SPECC1: variants seen among roughly 807,000 people sequenced by gnomAD.
SPECC1 encodes sperm antigen with calponin homology and coiled-coil domains 1.
SPECC1 carries 62 observed loss-of-function variants against 104.1 expected under a neutral mutation model. The ratio of observed to expected loss-of-function variants is 0.60; its 90% confidence interval spans 0.49 to 0.74. The LOEUF (loss-of-function observed/expected upper bound fraction) is 0.74. Ranked by LOEUF, SPECC1 falls within the 30% of genes least tolerant of loss-of-function variation. The pLI, the probability that SPECC1 is intolerant of heterozygous loss-of-function variation, is 0.00. For synonymous variants in SPECC1, 513 were observed against 501.6 expected (o/e 1.02, Z -0.30); for missense variants, 1,306 against 1,310.5 (o/e 1.00, Z 0.05).
At chr17:20,221,831 TTG>T (rs2037893186) in intron 4 of SPECC1, among the ~76,000 whole-genome samples, 1 of 152,162 alleles carries the variant, frequency 6.6e-6, no homozygotes, top group Non-Finnish European at 1.5e-5. Flanking sequence ...CTTTGGTATG[TTG>T]TGTTTCCATT....
chr17:20,285,560 A>T (rs1347100762), intron 12 of SPECC1, among the ~76,000 whole-genome samples: 1 of 152,168 alleles, frequency 6.6e-6, no homozygotes, highest in Non-Finnish European at 1.5e-5. Flanking sequence ...ATATCCTGGG[A>T]AAAGTTAATT....
intron 3 of SPECC1, among the ~76,000 whole-genome samples, chr17:20,159,564 G>A (rs1383195103): frequency 6.6e-6 from 1 of 152,232 alleles, no homozygotes; most frequent in African/African-American, 2.4e-5. Flanking sequence ...TAAGGCAGAA[G>A]GCAGCTTCTC....
intron 4 of SPECC1, among the ~76,000 whole-genome samples, chr17:20,215,170 T>G (rs1015738466): frequency 5.3e-5 from 8 of 152,168 alleles, no homozygotes; most frequent in Non-Finnish European, 1.2e-4. Flanking sequence ...TCCAGTACCT[T>G]TAGAAGCTGT....
chr17:20,237,690 C>A (rs1188649481), intron 7 of SPECC1: 3 of 196,192 alleles, frequency 1.5e-5, no homozygotes, highest in Non-Finnish European at 3.2e-5. Context: ...TCTTGGAATT[C>A]ACATTACTCA....
At chr17:20,138,999 A>G (rs1436552283) in intron 3 of SPECC1, among the ~76,000 whole-genome samples, 1 of 152,242 alleles carries the variant, frequency 6.6e-6, no homozygotes, top group Non-Finnish European at 1.5e-5. Flanking sequence ...GGTTAGCTGC[A>G]GCAATTCAGA....
Position 20,316,210 on chromosome 17 carries a change from A to T in SPECC1, c.*2145A>T. Reference sequence around the variant, plus strand: ...CTGTACTTCTTCTTTGCCCACCATTAAAGTGGGGGAAAGTAATATCCCAAG... The same window carrying T: ...CTGTACTTCTTCTTTGCCCACCATTTAAGTGGGGGAAAGTAATATCCCAAG... On this transcript the variant is annotated 3_prime_UTR_variant, in exon 15 of 15. Transcript: ENST00000395527. The T allele has an allele frequency of 4.4e-6, 1 of 229,262 alleles. No homozygotes were observed. Among genetic ancestry groups the T allele is most frequent in the East Asian group, 6.1e-5 (1 of 16,334 alleles). The allele number at this position is 229,262 out of a possible 1,614,324, so 14.2% of individuals were successfully genotyped here.
At chr17:20,242,079 A>G (rs981621050) in intron 7 of SPECC1, among the ~76,000 whole-genome samples, 17 of 152,192 alleles carry the variant, frequency 1.1e-4, no homozygotes, top group Admixed American at 3.3e-4. Flanking sequence ...TAATCTGCCA[A>G]TTGTGAAGGT....
In SPECC1 at chr17:20,190,477, TA is replaced by T. The variant is rs1236307502; in HGVS notation, c.284-13849del. Among the ~76,000 whole-genome samples the T allele has an allele frequency of 2.6e-5, 4 of 152,200 alleles. No homozygotes were observed. The East Asian group carries it at 7.7e-4, about 29-fold the overall frequency. On this transcript the variant is annotated intron_variant, in intron 3 of 14. Transcript: ENST00000395527. ...ACTTTATTATGCTTTTACTGCCTTC[TA>T]AAAAAATAAACACTCTTTTTTAAAG...
At chr17:20,200,396 TTAA>T (rs1257320436) in intron 3 of SPECC1, among the ~76,000 whole-genome samples, 1 of 152,256 alleles carries the variant, frequency 6.6e-6, no homozygotes, top group Non-Finnish European at 1.5e-5. Context: ...TATGATTGTG[TTAA>T]TCTTCATAAT....
intron 3 of SPECC1, among the ~76,000 whole-genome samples, chr17:20,194,509 T>A (rs888724627): frequency 7.3e-5 from 9 of 123,186 alleles, no homozygotes; most frequent in East Asian, 2.6e-4. Context: ...CGAATTTTTT[T>A]TTTTTTTTTT....
At chr17:20,167,427 C>G (rs1488463779) in intron 3 of SPECC1, among the ~76,000 whole-genome samples, 1 of 152,064 alleles carries the variant, frequency 6.6e-6, no homozygotes, top group Non-Finnish European at 1.5e-5. Context: ...GGCCTGTAAT[C>G]CTAGCACTTT....
chr17:20,310,202 G>C (rs1389443582), intron 14 of SPECC1, among the ~76,000 whole-genome samples: 2 of 152,180 alleles, frequency 1.3e-5, no homozygotes, highest in Non-Finnish European at 2.9e-5. Context: ...ATGAACATAA[G>C]TGTGCATGTG....
chr17:20,210,818 C>T (rs1205812096), intron 4 of SPECC1, among the ~76,000 whole-genome samples: 1 of 152,176 alleles, frequency 6.6e-6, no homozygotes, highest in Admixed American at 6.5e-5. Flanking sequence ...CAGTCCCACC[C>T]CACATCCAGC....
At chr17:20,070,685 C>G (rs1005568188) in intron 1 of SPECC1, among the ~76,000 whole-genome samples, 1 of 152,102 alleles carries the variant, frequency 6.6e-6, no homozygotes, top group Non-Finnish European at 1.5e-5. Context: ...ATAAGCTCAT[C>G]ACTGTTGCTC....
intron 1 of SPECC1, among the ~76,000 whole-genome samples, chr17:20,095,020 A>G (rs1419215384): frequency 1.3e-5 from 2 of 152,246 alleles, no homozygotes; most frequent in Non-Finnish European, 2.9e-5. Context: ...TTGATTCTGC[A>G]GTAATTGGTG....
intron 3 of SPECC1, among the ~76,000 whole-genome samples, chr17:20,139,501 A>C (rs780916613): frequency 6.6e-5 from 10 of 152,138 alleles, no homozygotes; most frequent in Non-Finnish European, 1.2e-4. Flanking sequence ...AACCAAACCC[A>C]TCATCCTCGT....
chr17:20,194,542 C>G (rs553431307), intron 3 of SPECC1, among the ~76,000 whole-genome samples: 2 of 77,822 alleles, frequency 2.6e-5, no homozygotes, highest in African/African-American at 5.9e-5. Context: ...GAGTCTTGCT[C>G]TGTCACCAGG....
chr17:20,107,763 TGA>T (rs2048303300), intron 2 of SPECC1, among the ~76,000 whole-genome samples: 1 of 152,302 alleles, frequency 6.6e-6, no homozygotes, highest in African/African-American at 2.4e-5. Context: ...TGACCTCAGG[TGA>T]TCTGCCCGTT....
At chr17:20,186,196 T>A (rs982526465) in intron 3 of SPECC1, among the ~76,000 whole-genome samples, 2 of 152,224 alleles carry the variant, frequency 1.3e-5, no homozygotes, top group Non-Finnish European at 2.9e-5. Context: ...CTTGGTGATG[T>A]TGTGAATTCA....
Sources: allele counts gnomAD v4.1 joint callset (sites outside exome capture counted in the v4.1 genomes callset), GRCh38; gene constraint gnomAD v4.1.1; transcripts MANE v1.5; gene names NCBI Gene and HGNC (gene_info 2026-07-23, HGNC 2026-07-21).